SLC9A9: variants seen among roughly 807,000 people sequenced by gnomAD.
SLC9A9 encodes solute carrier family 9 member A9.
SLC9A9 carries 62 observed loss-of-function variants against 77.8 expected under a neutral mutation model. The ratio of observed to expected loss-of-function variants is 0.80; its 90% confidence interval spans 0.65 to 0.98. The LOEUF (loss-of-function observed/expected upper bound fraction) is 0.98. Ranked by LOEUF, SLC9A9 falls within the 50% of genes least tolerant of loss-of-function variation. SLC9A9 has a pLI of 0.00. For synonymous variants in SLC9A9, 320 were observed against 283.5 expected (o/e 1.13, Z -1.29); for missense variants, 775 against 774.9 (o/e 1.00, Z 0.00).
intron 11 of SLC9A9, among the ~76,000 whole-genome samples, chr3:143,471,068 C>A (rs1267450890): frequency 6.6e-6 from 1 of 152,126 alleles, no homozygotes; most frequent in Non-Finnish European, 1.5e-5. Flanking sequence ...AAAGAGGATG[C>A]CTTCTCAATG....
rs368963376 is a variant in SLC9A9, at chr3:143,748,727, C to T, written c.533+46274G>A. Among the ~76,000 whole-genome samples, 685 of 132,322 alleles carry T rather than the reference C, an allele frequency of 5.2e-3. 4 individuals carry two copies. The highest frequency in any genetic ancestry group is 0.02 in the African/African-American group (668 of 34,122). The allele number at this position is 132,322 out of a possible 152,430, so 86.8% of individuals were successfully genotyped here. ...TTTTTTTTTTTTTGAGACGGAGTCTCGCTCTGTCGCCCAGGCCGGACTGCG... is the reference window on the plus strand; with the variant it reads ...TTTTTTTTTTTTTGAGACGGAGTCTTGCTCTGTCGCCCAGGCCGGACTGCG... On this transcript the variant is annotated intron_variant, in intron 4 of 15. Transcript: ENST00000316549.
chr3:143,364,125 A>G (rs2032831121), intron 13 of SLC9A9, among the ~76,000 whole-genome samples: 1 of 151,850 alleles, frequency 6.6e-6, no homozygotes, highest in Admixed American at 6.6e-5. Flanking sequence ...TTTCTTTCCC[A>G]CAAGGGCCAT....
At chr3:143,672,606 C>T (rs1247578116) in intron 5 of SLC9A9, among the ~76,000 whole-genome samples, 1 of 152,118 alleles carries the variant, frequency 6.6e-6, no homozygotes, top group Non-Finnish European at 1.5e-5. Flanking sequence ...AGGCTTTTCT[C>T]CAAAAATAAC....
At chr3:143,311,149 A>T (rs1389426812) in intron 14 of SLC9A9, among the ~76,000 whole-genome samples, 5 of 152,240 alleles carry the variant, frequency 3.3e-5, no homozygotes, top group Non-Finnish European at 7.3e-5. Flanking sequence ...TCCATTGTGT[A>T]TCAGTTGGCC....
chr3:143,441,887 C>T (rs2034746487), intron 12 of SLC9A9, among the ~76,000 whole-genome samples: 1 of 151,798 alleles, frequency 6.6e-6, no homozygotes, highest in Admixed American at 6.6e-5. Context: ...TCCACTCATC[C>T]ATCCATCTCT....
At chr3:143,806,071 C>A (rs529610893) in intron 2 of SLC9A9, among the ~76,000 whole-genome samples, 1 of 150,646 alleles carries the variant, frequency 6.6e-6, no homozygotes, top group East Asian at 2.0e-4. Context: ...CTTTTCCCCC[C>A]CACCTCTTCC....
intron 6 of SLC9A9, among the ~76,000 whole-genome samples, chr3:143,623,540 GA>G (rs2038259771): frequency 6.6e-6 from 1 of 152,142 alleles, no homozygotes; most frequent in Non-Finnish European, 1.5e-5. Flanking sequence ...AATGAAGGCA[GA>G]AATAAAGATG....
At chr3:143,578,544 T>C (rs1166290363) in intron 7 of SLC9A9, 41 bp downstream of exon 7, 1 of 1,613,474 alleles carries the variant, frequency 6.2e-7, no homozygotes, top group East Asian at 2.2e-5. Context: ...ATACTGACTG[T>C]TCTTGACAGT....
intron 6 of SLC9A9, among the ~76,000 whole-genome samples, chr3:143,584,689 T>A (rs2037512945): frequency 6.6e-6 from 1 of 152,222 alleles, no homozygotes; most frequent in South Asian, 2.1e-4. Context: ...TGGATCTTTT[T>A]TCCAATCACT....
chr3:143,652,114 C>A, intron 6 of SLC9A9, 141 bp downstream of exon 6: 1 of 681,266 alleles, frequency 1.5e-6, no homozygotes, highest in South Asian at 1.7e-5. Flanking sequence ...ATGAATTGTG[C>A]CCATTATGGA....
intron 2 of SLC9A9, among the ~76,000 whole-genome samples, chr3:143,805,946 T>C (rs924140562): frequency 3.3e-5 from 5 of 152,224 alleles, no homozygotes; most frequent in African/African-American, 1.2e-4. Flanking sequence ...GTAGAAATTC[T>C]TGAATCCAAT....
chr3:143,387,484 G>T (rs2033456056), intron 12 of SLC9A9, among the ~76,000 whole-genome samples: 1 of 152,050 alleles, frequency 6.6e-6, no homozygotes, highest in Non-Finnish European at 1.5e-5. Context: ...AAAAAAGGCT[G>T]GTTAAAATTT....
At chr3:143,706,597 C>T (rs535846522) in intron 4 of SLC9A9, among the ~76,000 whole-genome samples, 7 of 152,222 alleles carry the variant, frequency 4.6e-5, no homozygotes, top group Non-Finnish European at 7.4e-5. Context: ...GGTGAGTCCC[C>T]GTCCAAATCC....
chr3:143,678,847 G>A (rs1932980952), intron 5 of SLC9A9, among the ~76,000 whole-genome samples: 1 of 152,178 alleles, frequency 6.6e-6, no homozygotes, highest in South Asian at 2.1e-4. Context: ...GAATTTTCAT[G>A]AAAGCTTTCT....
At chr3:143,681,602 T>A (rs1312368007) in intron 5 of SLC9A9, among the ~76,000 whole-genome samples, 1 of 152,228 alleles carries the variant, frequency 6.6e-6, no homozygotes, top group African/African-American at 2.4e-5. Flanking sequence ...GCAACTAACG[T>A]TGCTGAGTTC....
At chr3:143,391,340 G>C (rs1323230880) in intron 12 of SLC9A9, among the ~76,000 whole-genome samples, 14 of 152,254 alleles carry the variant, frequency 9.2e-5, no homozygotes, top group Non-Finnish European at 1.9e-4. Context: ...CAGGCAAACA[G>C]AGTCTGCAGT....
chr3:143,383,883 A>G (rs2033359541), intron 12 of SLC9A9, among the ~76,000 whole-genome samples: 1 of 152,222 alleles, frequency 6.6e-6, no homozygotes, highest in South Asian at 2.1e-4. Context: ...GCAAATGTGT[A>G]ACTCCTTATA....
chr3:143,377,464 T>G (rs2033205122), intron 13 of SLC9A9, among the ~76,000 whole-genome samples: 1 of 152,214 alleles, frequency 6.6e-6, no homozygotes, highest in Non-Finnish European at 1.5e-5. Context: ...GAAGTTGCCC[T>G]TCTTCAGACC....
intron 9 of SLC9A9, chr3:143,517,505 C>T (rs145411392): frequency 0.037 from 58,860 of 1,596,656 alleles, 1,139 homozygotes; most frequent in Non-Finnish European, 0.04. Context: ...TCGCTCTTCA[C>T]GTTTTCGCTC....
Sources: gnomAD v4.1 joint callset for allele counts (sites outside exome capture counted in the v4.1 genomes callset) on GRCh38, gnomAD v4.1.1 for gene constraint, MANE v1.5 for transcripts, NCBI Gene and HGNC (gene_info 2026-07-23, HGNC 2026-07-21) for gene names.